NAA35: variants seen among roughly 807,000 people sequenced by gnomAD.
NAA35 encodes the protein N-alpha-acetyltransferase 35, NatC auxiliary subunit, also known as MAK10 homolog, amino-acid N-acetyltransferase subunit.
NAA35 carries 18 observed loss-of-function variants against 101.7 expected under a neutral mutation model. That is an observed-to-expected ratio of 0.18 (90% confidence interval 0.12 to 0.26). NAA35 has a LOEUF of 0.26. NAA35 is among the 10% of genes least tolerant of loss of function. The probability of loss-of-function intolerance (pLI) is 1.00; values close to 1 mark genes in which losing one functional copy is unlikely to be tolerated. For synonymous variants in NAA35, 267 were observed against 273.1 expected (o/e 0.98, Z 0.22); for missense variants, 601 against 886.8 (o/e 0.68, Z 4.09).
chr9:85,954,509 A>AT (rs367627427), intron 2 of NAA35, among the ~76,000 whole-genome samples: 63 of 151,642 alleles, frequency 4.2e-4, no homozygotes, highest in South Asian at 1.5e-3. Context: ...TTCTGCAGGG[A>AT]TTTTTTTTTG....
At chr9:86,011,945 ATATAG>A (rs1413366767) in intron 15 of NAA35, among the ~76,000 whole-genome samples, 3 of 142,124 alleles carry the variant, frequency 2.1e-5, no homozygotes, top group South Asian at 2.1e-4. Flanking sequence ...ATAATATATA[ATATAG>A]TATATAATAT....
intron 11 of NAA35, among the ~76,000 whole-genome samples, chr9:85,981,673 G>A (rs988789590): frequency 2.0e-5 from 3 of 152,062 alleles, no homozygotes; most frequent in Admixed American, 1.3e-4. Context: ...GTAATCTTAC[G>A]ACTAAGCAAG....
At position 85,962,062 on chromosome 9, in the gene NAA35, T is replaced by C. The variant is rs765264658; in HGVS notation, c.398T>C (p.Leu133Pro). 1 of 1,614,028 alleles carries C rather than the reference T, an allele frequency of 6.2e-7. No individual in the cohort carries two copies. Among genetic ancestry groups the C allele is most frequent in the Non-Finnish European group, 8.5e-7 (1 of 1,179,968 alleles). Reference protein sequence around the residue: ...HSLAQTVFTCLYIHNPDFIED... With the variant: ...HSLAQTVFTCPYIHNPDFIED... ...CTGGCACAGACAGTATTTACGTGCC[T>C]TTACATTCATAATCCAGACTTTATA... The change falls in exon 6 of 23, where the codon CTT (leucine) becomes CCT (proline). Residue 133 changes from leucine to proline, a missense_variant. This residue lies in a region of NAA35 where 86 missense variants were observed against 169.4 expected (regional missense o/e 0.51). Coordinates refer to ENST00000361671, the MANE Select transcript of NAA35 (RefSeq NM_024635.4).
chr9:85,987,420 C>T (rs1239562104), intron 11 of NAA35, among the ~76,000 whole-genome samples: 1 of 152,220 alleles, frequency 6.6e-6, no homozygotes, highest in African/African-American at 2.4e-5. Flanking sequence ...TTAACTTGCC[C>T]ACCATGGCAG....
At chr9:86,020,761 T>C in intron 21 of NAA35, 128 bp from the exon 22 acceptor site, 1 of 570,754 alleles carries the variant, frequency 1.8e-6, no homozygotes, top group South Asian at 2.5e-5. Context: ...AACCAGGAGG[T>C]TGAGGCTTCA....
At chr9:85,971,744 C>G (rs991343079) in intron 6 of NAA35, among the ~76,000 whole-genome samples, 4 of 152,142 alleles carry the variant, frequency 2.6e-5, no homozygotes, top group African/African-American at 9.7e-5. Context: ...AGACCAAAAC[C>G]CTAAAAATGA....
At chr9:85,941,338 C>A (rs574376278) in intron 1 of NAA35, 65 bp downstream of exon 1, 1 of 985,466 alleles carries the variant, frequency 1.0e-6, no homozygotes, top group Admixed American at 6.1e-5. Flanking sequence ...CCGCAGCCCC[C>A]CGCGCGTGTG....
At chr9:86,009,379 G>A (rs1167169060) in intron 14 of NAA35, among the ~76,000 whole-genome samples, 4 of 152,120 alleles carry the variant, frequency 2.6e-5, no homozygotes, top group Non-Finnish European at 5.9e-5. Context: ...AAGGAACACC[G>A]TAAAGGAAAC....
intron 6 of NAA35, among the ~76,000 whole-genome samples, chr9:85,965,947 G>T (rs553076076): frequency 6.6e-6 from 1 of 152,134 alleles, no homozygotes; most frequent in Admixed American, 6.5e-5. Flanking sequence ...AATTGTAATT[G>T]AATTTTATTT....
intron 2 of NAA35, among the ~76,000 whole-genome samples, chr9:85,953,615 G>A (rs985527541): frequency 5.3e-5 from 8 of 151,510 alleles, no homozygotes; most frequent in Non-Finnish European, 7.4e-5. Flanking sequence ...TTTTGGTAGA[G>A]ATGGGGTTTC....
intron 3 of NAA35, among the ~76,000 whole-genome samples, 197 bp downstream of exon 3, chr9:85,956,590 T>C (rs1829285241): frequency 6.6e-6 from 1 of 152,200 alleles, no homozygotes; most frequent in Non-Finnish European, 1.5e-5. Context: ...GAAATGGTTA[T>C]ACCTAGGGAA....
chr9:86,001,904 A>T (rs1297543014), intron 12 of NAA35, among the ~76,000 whole-genome samples: 2 of 152,110 alleles, frequency 1.3e-5, no homozygotes, highest in African/African-American at 4.8e-5. Flanking sequence ...TGATCCTGTC[A>T]TTATGGTGTT....
In NAA35 at chr9:86,021,956, T is replaced by C. The variant is rs757383749; in HGVS notation, c.2174T>C (p.Val725Ala). The change falls in exon 23 of 23, where the codon GTT (valine) becomes GCT (alanine). Residue 725 changes from valine (V) to alanine (A), a missense_variant. Around this residue, in one of 8 missense-constraint regions of NAA35, gnomAD observed 21 missense variants for 51.4 expected, o/e 0.41. Transcript: ENST00000361671. ...AHKYFPVVKL[V>A] Reference sequence around the variant, plus strand: ...AAATATTTTCCTGTTGTGAAACTTGTTTGAGAGAGACTGGGGAGGTGGCCA... The same window carrying C: ...AAATATTTTCCTGTTGTGAAACTTGCTTGAGAGAGACTGGGGAGGTGGCCA... 1 of 1,613,532 alleles carries C rather than the reference T, an allele frequency of 6.2e-7. No homozygotes were observed.
chr9:86,016,804 T>TTCTGGGACTATA, intron 18 of NAA35, 129 bp downstream of exon 18: 1 of 872,974 alleles, frequency 1.1e-6, no homozygotes, highest in East Asian at 2.7e-5. Flanking sequence ...AACTATAAGG[T>TTCTGGGACTATA]AGAGACTGAG....
In NAA35 at chr9:86,024,756, C is replaced by T. The variant is rs1347278151; in HGVS notation, c.*2796C>T. On this transcript the variant is annotated 3_prime_UTR_variant, in exon 23 of 23. Coordinates refer to ENST00000361671, the MANE Select transcript of NAA35 (RefSeq NM_024635.4). Reference sequence around the variant, plus strand: ...GAGACCAGGTTTGGGATAAAGATTGCTTTAGACATTGAGATATCTTTGGGA... The same window carrying T: ...GAGACCAGGTTTGGGATAAAGATTGTTTTAGACATTGAGATATCTTTGGGA... Among the ~76,000 whole-genome samples, 1 of 152,058 alleles carries T rather than the reference C, an allele frequency of 6.6e-6. No individual in the cohort carries two copies. Among genetic ancestry groups the T allele is most frequent in the Non-Finnish European group, 1.5e-5 (1 of 68,012 alleles).
chr9:86,010,955 A>G (rs1407073228), intron 15 of NAA35, among the ~76,000 whole-genome samples: 1 of 151,586 alleles, frequency 6.6e-6, no homozygotes, highest in East Asian at 2.0e-4. Context: ...TAAAATTAAA[A>G]TTATTGGCTG....
chr9:85,983,688 G>C (rs191903980), intron 11 of NAA35, among the ~76,000 whole-genome samples: 1 of 152,180 alleles, frequency 6.6e-6, no homozygotes, highest in Admixed American at 6.5e-5. Flanking sequence ...CAAGGGGAGG[G>C]ATAGCATTCA....
rs778957030 is a variant in NAA35, at chr9:86,023,146, A to G, written c.*1186A>G. On this transcript the variant is annotated 3_prime_UTR_variant, in exon 23 of 23. Transcript: ENST00000361671. Reference sequence around the variant, plus strand: ...TTCCTGTTGCCCCTCTTTGCAGCTAATGAGCCCTCTTGGCTCTCCTTTCCA... The same window carrying G: ...TTCCTGTTGCCCCTCTTTGCAGCTAGTGAGCCCTCTTGGCTCTCCTTTCCA... Among the ~76,000 whole-genome samples, 1 of 152,170 alleles carries G rather than the reference A, an allele frequency of 6.6e-6. No individual in the cohort carries two copies. Among genetic ancestry groups the G allele is most frequent in the Non-Finnish European group, 1.5e-5 (1 of 68,030 alleles).
At chr9:85,941,653 C>T (rs1439005755) in intron 1 of NAA35, 3 of 986,300 alleles carry the variant, frequency 3.0e-6, no homozygotes, top group Non-Finnish European at 3.6e-6. Context: ...CGGTGCCTGC[C>T]GGCTCCTCAT....
Sources: gnomAD v4.1 joint callset for allele counts (sites outside exome capture counted in the v4.1 genomes callset) on GRCh38, gnomAD v4.1.1 for gene constraint, gnomAD v4.1.1 regional missense constraint, MANE v1.5 for transcripts, NCBI Gene and HGNC (gene_info 2026-07-23, HGNC 2026-07-21) for gene names.